The following WRN variants were observed in gnomAD, a reference collection of about 807,000 sequenced individuals.
WRN encodes the protein bifunctional 3'-5' exonuclease/ATP-dependent helicase WRN.
In WRN, 149 loss-of-function variants were observed where a neutral mutation model predicts 180.7. That is an observed-to-expected ratio of 0.82 (90% CI 0.72 to 0.94). The LOEUF (loss-of-function observed/expected upper bound fraction) is 0.94, where lower values mean the gene tolerates loss of function less well. Ranked by LOEUF, WRN falls within the 40% of genes least tolerant of loss-of-function variation. The pLI is 0.00. For missense variants in WRN, 1,661 were observed against 1,700.1 expected, an observed-to-expected ratio of 0.98 and a Z score of 0.40; for synonymous variants, 548 against 568.9, an observed-to-expected ratio of 0.96 and a Z score of 0.52.
intron 14 of WRN, 39 bp downstream of exon 14, chr8:31,090,571 A>AT (rs1563344682): frequency 1.3e-6 from 2 of 1,576,872 alleles, no homozygotes; most frequent in South Asian, 2.2e-5. Context: ...CTTTAAAAAA[A>AT]TAAAACATAA....
At chr8:31,086,419 C>T (rs1369819804) in intron 11 of WRN, among the ~76,000 whole-genome samples, 1 of 151,848 alleles carries the variant, frequency 6.6e-6, no homozygotes, top group Non-Finnish European at 1.5e-5. Flanking sequence ...CAGAAAAATA[C>T]AAGAATTGGC....
chr8:31,100,837 CT>C lies in WRN; in HGVS notation c.1982-5del, dbSNP rs397723919. On this transcript the variant is annotated splice_polypyrimidine_tract_variant and intron_variant, in intron 17 of 34. Transcript: ENST00000298139. ...TTTATCTTTTCCTTTATGTGTTTTT[CT>C]TTTTTTACAGGTATCACGCTCATTG... is the stretch of plus-strand genomic sequence containing the variant. 1,606,451 of 1,611,520 alleles carry C rather than the reference CT, an allele frequency of 1. 800,860 individuals carry two copies. Among genetic ancestry groups the C allele is most frequent in the East Asian group, 1 (44,822 of 44,822 alleles).
intron 19 of WRN, among the ~76,000 whole-genome samples, chr8:31,116,113 A>G (rs532246922): frequency 6.6e-6 from 1 of 152,300 alleles, no homozygotes; most frequent in East Asian, 1.9e-4. Flanking sequence ...TTTAGCTTTA[A>G]TTTGAACTGA....
chr8:31,141,500 G>A lies in WRN; in HGVS notation c.3038G>A (p.Ser1013Asn). ...GGCACTGGCAAGGATCAAACAGAGA[G>A]TTGGTGGAAGGCTTTTTCCCGTCAG... ...LFGTGKDQTE[S>N]WWKAFSRQLI... The change falls in exon 25 of 35, where the codon AGT becomes AAT. Residue 1013 changes from serine to asparagine, a missense_variant. Physicochemically the swap from Ser to Asn is conservative, Grantham distance 46 (BLOSUM62 1). Transcript: ENST00000298139. 6.2e-7 allele frequency: 1 copy of A among 1,614,162 alleles called. No individual in the cohort carries two copies. The highest frequency in any genetic ancestry group is 8.5e-7 in the Non-Finnish European group (1 of 1,180,036).
intron 21 of WRN, among the ~76,000 whole-genome samples, chr8:31,121,235 A>T (rs558240419): frequency 6.6e-6 from 1 of 152,116 alleles, no homozygotes; most frequent in East Asian, 1.9e-4. Context: ...GTATTTTCAG[A>T]GTACACCTTT....
intron 3 of WRN, among the ~76,000 whole-genome samples, chr8:31,061,133 T>C (rs1207923886): frequency 6.6e-6 from 1 of 152,186 alleles, no homozygotes; most frequent in Admixed American, 6.5e-5. Flanking sequence ...CCACTGAGGC[T>C]CTTTCCTTTC....
At chr8:31,161,816 G>C (rs1803629108) in intron 33 of WRN, among the ~76,000 whole-genome samples, 3 of 127,132 alleles carry the variant, frequency 2.4e-5, no homozygotes, top group Non-Finnish European at 4.8e-5. Flanking sequence ...TTCAGCCTGG[G>C]AGACAGAGCG....
intron 33 of WRN, among the ~76,000 whole-genome samples, 154 bp from the exon 34 acceptor site, chr8:31,166,868 A>C (rs571739940): frequency 1.3e-5 from 2 of 152,236 alleles, no homozygotes; most frequent in South Asian, 4.1e-4. Flanking sequence ...CTCCATTTCC[A>C]TTCCGTAAGG....
intron 14 of WRN, 86 bp from the exon 15 acceptor site, chr8:31,090,748 C>T (rs1025375222): frequency 5.8e-6 from 7 of 1,207,648 alleles, no homozygotes; most frequent in Non-Finnish European, 7.0e-6. Flanking sequence ...TGTATAAGTA[C>T]ATTGTAAAAA....
chr8:31,037,823 C>G (rs1029389838), intron 1 of WRN, among the ~76,000 whole-genome samples: 4 of 152,138 alleles, frequency 2.6e-5, no homozygotes, highest in Non-Finnish European at 5.9e-5. Flanking sequence ...TGTGATGCCC[C>G]TAGCTTTGTT....
At chr8:31,104,370 G>A (rs572171182) in intron 18 of WRN, among the ~76,000 whole-genome samples, 1 of 152,172 alleles carries the variant, frequency 6.6e-6, no homozygotes, top group African/African-American at 2.4e-5. Flanking sequence ...TTACATAATT[G>A]GAGTGCTTGT....
At chr8:31,155,170 T>C (rs964600745) in intron 32 of WRN, among the ~76,000 whole-genome samples, 1 of 152,254 alleles carries the variant, frequency 6.6e-6, no homozygotes, top group Non-Finnish European at 1.5e-5. Flanking sequence ...TGCATGCTTA[T>C]ATAGTCACAT....
intron 3 of WRN, among the ~76,000 whole-genome samples, chr8:31,060,122 C>G (rs1253409472): frequency 6.6e-6 from 1 of 151,854 alleles, no homozygotes; most frequent in South Asian, 2.1e-4. Flanking sequence ...TCTGTTAGTA[C>G]TTTTAAAGGT....
chr8:31,157,947 C>T (rs1042750762), intron 33 of WRN, among the ~76,000 whole-genome samples: 1 of 152,092 alleles, frequency 6.6e-6, no homozygotes, highest in African/African-American at 2.4e-5. Context: ...AGGCAGGTCT[C>T]GAACTCCTGA....
chr8:31,099,467 T>C (rs572676647), intron 17 of WRN, among the ~76,000 whole-genome samples: 2 of 152,050 alleles, frequency 1.3e-5, no homozygotes, highest in African/African-American at 4.8e-5. Flanking sequence ...ACAGTGATAA[T>C]ATTGAATTTT....
intron 1 of WRN, among the ~76,000 whole-genome samples, chr8:31,053,888 A>T (rs1812168166): frequency 6.6e-6 from 1 of 152,244 alleles, no homozygotes; most frequent in African/African-American, 2.4e-5. Flanking sequence ...AAAAAAGTTC[A>T]CGTTTACTCA....
At position 31,068,447 on chromosome 8, in the gene WRN, A is replaced by G. The variant is rs113947509; in HGVS notation, c.724+120A>G. ...ACTATAACTTCTTGAATGTCTGAGC[A>G]GTCCTGACATTAGGGTGGGATCCAT... On this transcript the variant is annotated intron_variant, in intron 7 of 34. Transcript: ENST00000298139. 1.0e-3 allele frequency: 827 copies of G among 811,612 alleles called. 5 individuals carry two copies. The African/African-American group carries it at 0.013, about 12-fold the overall frequency. 50.3% of individuals were successfully genotyped at this position (811,612 alleles called of 1,614,324 possible).
chr8:31,135,745 A>G (rs1240998102), intron 24 of WRN, among the ~76,000 whole-genome samples: 1 of 152,222 alleles, frequency 6.6e-6, no homozygotes, highest in East Asian at 1.9e-4. Context: ...TCACAGTACA[A>G]AAAGCAACTG....
intron 3 of WRN, 73 bp from the exon 4 acceptor site, chr8:31,064,216 G>C (rs777837851): frequency 2.7e-5 from 43 of 1,575,542 alleles, no homozygotes; most frequent in Non-Finnish European, 3.6e-5. Flanking sequence ...TTTAATTTTT[G>C]AATTATGTCT....
Sources: gnomAD v4.1 joint callset for allele counts (sites outside exome capture counted in the v4.1 genomes callset) on GRCh38, gnomAD v4.1.1 for gene constraint, MANE v1.5 for transcripts, NCBI Gene and HGNC (gene_info 2026-07-23, HGNC 2026-07-21) for gene names.